The following PDIA5 variants were observed in gnomAD, a reference collection of about 807,000 sequenced individuals.
PDIA5 encodes the protein protein disulfide-isomerase A5.
In PDIA5, 58 loss-of-function variants were observed where a neutral mutation model predicts 77.6. The observed-to-expected ratio is 0.75, with a 90% CI of 0.61 to 0.93. PDIA5 has a LOEUF of 0.93. Among genes scored for constraint, PDIA5 ranks in the 40% least tolerant of loss-of-function variants. The pLI is 0.00. For missense variants in PDIA5, 630 were observed against 647.7 expected (o/e 0.97, Z 0.30); for synonymous variants, 250 against 252.1 (o/e 0.99, Z 0.08).
At position 123,087,232 on chromosome 3, in the gene PDIA5, A is replaced by G. The variant is rs542543657; in HGVS notation, c.43-1936A>G. Among the ~76,000 whole-genome samples the G allele has an allele frequency of 3.3e-5, 5 of 152,250 alleles. No homozygotes were observed. The East Asian group carries it at 7.7e-4, about 23-fold the overall frequency. On this transcript the variant is annotated intron_variant, in intron 1 of 16. Transcript: ENST00000316218. ...AGTCTCACTGTTGCCCAGGCTGGCC[A>G]TGAACTCCTGGGCTCAAGTGATTCT... is the stretch of plus-strand genomic sequence containing the variant.
Position 123,146,210 on chromosome 3 carries a change from G to A in PDIA5, c.1093G>A (p.Ala365Thr), listed in dbSNP as rs140913468. Reference sequence around the variant, plus strand: ...GTATTTTAAGAATGGAGAGAAATACGCAGTGCCTGTGCTCAGGACAAAGAA... The same window carrying A: ...GTATTTTAAGAATGGAGAGAAATACACAGTGCCTGTGCTCAGGACAAAGAA... ...LKYFKNGEKYAVPVLRTKKKF... is the reference protein window; with the variant it reads ...LKYFKNGEKYTVPVLRTKKKF... The change falls in exon 13 of 17, where the codon GCA becomes ACA. Residue 365 changes from alanine (A) to threonine (T), a missense_variant. Ala to Thr is a moderately conservative substitution (Grantham distance 58). Coordinates refer to ENST00000316218, the MANE Select transcript of PDIA5 (RefSeq NM_006810.4). The A allele has an allele frequency of 4.6e-5, 74 of 1,613,816 alleles. No individual in the cohort carries two copies. Among genetic ancestry groups the A allele is most frequent in the South Asian group, 4.3e-4 (39 of 91,088 alleles).
chr3:123,146,538 T>C (rs1381805287), intron 13 of PDIA5, among the ~76,000 whole-genome samples: 1 of 152,198 alleles, frequency 6.6e-6, no homozygotes, highest in Admixed American at 6.5e-5. Context: ...CCAGATCTTA[T>C]TGTCTGCATT....
chr3:123,091,097 A>G (rs1032721840), intron 2 of PDIA5, among the ~76,000 whole-genome samples: 2 of 152,096 alleles, frequency 1.3e-5, no homozygotes, highest in African/African-American at 4.8e-5. Context: ...CCCAGAACCC[A>G]GTCCCAGCAG....
chr3:123,081,701 T>A (rs1325322354), intron 1 of PDIA5, among the ~76,000 whole-genome samples: 1 of 152,218 alleles, frequency 6.6e-6, no homozygotes, highest in East Asian at 1.9e-4. Context: ...AGCAAGCTGC[T>A]TTTACATAAT....
At chr3:123,139,542 T>G (rs1361796084) in intron 11 of PDIA5, among the ~76,000 whole-genome samples, 6 of 152,168 alleles carry the variant, frequency 3.9e-5, no homozygotes, top group Admixed American at 3.9e-4. Context: ...ATGGGAAACT[T>G]TAGAACAGCA....
At chr3:123,141,391 A>G (rs1935631738) in intron 11 of PDIA5, among the ~76,000 whole-genome samples, 1 of 152,098 alleles carries the variant, frequency 6.6e-6, no homozygotes, top group Non-Finnish European at 1.5e-5. Context: ...TGTGTCCTCC[A>G]CTATGTGCTG....
rs575287369 is a variant in PDIA5 at position 123,083,188 on chromosome 3, G to T, written c.43-5980G>T. Among the ~76,000 whole-genome samples, 692 of 149,972 alleles carry T rather than the reference G, an allele frequency of 4.6e-3. 3 individuals are homozygous for T. Among genetic ancestry groups the T allele is most frequent in the African/African-American group, 0.016 (640 of 40,726 alleles). ...CTGTACTCAGGGGAGGGGTTGGGTG[G>T]TGGAAGGGAACTGGTGCTCGGGGTG... On this transcript the variant is annotated intron_variant, in intron 1 of 16. Coordinates refer to ENST00000316218, the MANE Select transcript of PDIA5 (RefSeq NM_006810.4).
intron 6 of PDIA5, among the ~76,000 whole-genome samples, chr3:123,109,576 T>C (rs1934816075): frequency 6.6e-6 from 1 of 152,346 alleles, no homozygotes; most frequent in East Asian, 1.9e-4. Context: ...TTTCCAGAAT[T>C]TATTCTAGTG....
At chr3:123,128,207 C>T (rs1048483381) in intron 10 of PDIA5, among the ~76,000 whole-genome samples, 1 of 152,230 alleles carries the variant, frequency 6.6e-6, no homozygotes, top group Non-Finnish European at 1.5e-5. Flanking sequence ...AAGGAGTGGG[C>T]CCCTGGGCCC....
chr3:123,094,471 A>T (rs1318050692), intron 3 of PDIA5, among the ~76,000 whole-genome samples: 1 of 152,346 alleles, frequency 6.6e-6, no homozygotes, highest in East Asian at 1.9e-4. Flanking sequence ...GATCTCCAAG[A>T]ACCCAGCTCC....
chr3:123,130,430 G>A, intron 10 of PDIA5, 50 bp from the exon 11 acceptor site: 5 of 1,563,362 alleles, frequency 3.2e-6, no homozygotes, highest in Non-Finnish European at 4.3e-6. Context: ...TAGAAGGGCT[G>A]CCAAGGCCCC....
At chr3:123,154,825 A>G in intron 14 of PDIA5, 146 bp from the exon 15 acceptor site, 2 of 672,294 alleles carry the variant, frequency 3.0e-6, no homozygotes, top group Non-Finnish European at 5.4e-6. Flanking sequence ...TAGAGTGGCA[A>G]GGTTGACAAA....
At chr3:123,126,818 G>T (rs1429389548) in intron 10 of PDIA5, among the ~76,000 whole-genome samples, 1 of 152,234 alleles carries the variant, frequency 6.6e-6, no homozygotes, top group Non-Finnish European at 1.5e-5. Context: ...CCTTCAATGC[G>T]TGACTCTGGT....
chr3:123,124,920 C>G (rs538350687), intron 10 of PDIA5, among the ~76,000 whole-genome samples: 1 of 152,244 alleles, frequency 6.6e-6, no homozygotes, highest in South Asian at 2.1e-4. Context: ...TGTTCAACCC[C>G]CACAGGCATT....
intron 11 of PDIA5, among the ~76,000 whole-genome samples, chr3:123,136,833 T>C (rs1935516187): frequency 6.6e-6 from 1 of 152,100 alleles, no homozygotes; most frequent in South Asian, 2.1e-4. Context: ...TTTTTTAACT[T>C]GTCAATAGGT....
chr3:123,161,556 C>A (rs943054729), intron 16 of PDIA5, 101 bp downstream of exon 16: 97 of 1,294,508 alleles, frequency 7.5e-5, no homozygotes, highest in Middle Eastern at 5.7e-4. Flanking sequence ...CCAGAAACTG[C>A]AGAAGTCAGC....
chr3:123,086,148 A>G (rs919019862), intron 1 of PDIA5, among the ~76,000 whole-genome samples: 1 of 152,226 alleles, frequency 6.6e-6, no homozygotes, highest in African/African-American at 2.4e-5. Flanking sequence ...TAGAAACACT[A>G]GAATATGGTA....
intron 15 of PDIA5, among the ~76,000 whole-genome samples, chr3:123,160,540 A>G (rs551149930): frequency 1.3e-5 from 2 of 152,076 alleles, no homozygotes; most frequent in East Asian, 3.9e-4. Flanking sequence ...CCTTTGCCCC[A>G]CTCACCTGGC....
intron 1 of PDIA5, among the ~76,000 whole-genome samples, chr3:123,073,459 AG>A (rs1038745467): frequency 3.3e-5 from 5 of 152,178 alleles, no homozygotes; most frequent in African/African-American, 1.2e-4. Context: ...GGCATTGGAC[AG>A]GGGTGGCCAG....
Sources: allele counts gnomAD v4.1 joint callset (sites outside exome capture counted in the v4.1 genomes callset), GRCh38; gene constraint gnomAD v4.1.1; transcripts MANE v1.5; gene names NCBI Gene and HGNC (gene_info 2026-07-23, HGNC 2026-07-21).